The following NELL1 variants were observed in gnomAD, a reference collection of about 807,000 sequenced individuals.
The protein encoded by NELL1 is protein kinase C-binding protein NELL1.
Under a neutral mutation model 107.4 loss-of-function variants are expected in NELL1, and 76 were observed. The observed-to-expected ratio is 0.71, with a 90% CI of 0.59 to 0.86. The LOEUF is 0.86. NELL1 is among the 40% of genes least tolerant of loss of function. The pLI is 0.00. For missense variants in NELL1, 1,024 were observed against 1,005.5 expected, an observed-to-expected ratio of 1.02 and a Z score of -0.25; for synonymous variants, 353 against 341.2, an observed-to-expected ratio of 1.03 and a Z score of -0.38.
At chr11:21,265,943 C>T (rs1362356536) in intron 14 of NELL1, among the ~76,000 whole-genome samples, 7 of 152,020 alleles carry the variant, frequency 4.6e-5, no homozygotes, top group Non-Finnish European at 1.0e-4. Context: ...TATTTTTCTA[C>T]ATAAATCCTT....
intron 12 of NELL1, among the ~76,000 whole-genome samples, chr11:21,019,092 C>T (rs1477930770): frequency 6.6e-6 from 1 of 152,106 alleles, no homozygotes; most frequent in Non-Finnish European, 1.5e-5. Flanking sequence ...GGCTTGAGCT[C>T]TAGCTCTAAC....
chr11:21,179,100 G>A (rs1199272559), intron 13 of NELL1, among the ~76,000 whole-genome samples: 1 of 151,936 alleles, frequency 6.6e-6, no homozygotes, highest in East Asian at 1.9e-4. Context: ...TTGTCCATGG[G>A]TTCTAACCTT....
At chr11:21,234,863 C>T (rs967789199) in intron 14 of NELL1, among the ~76,000 whole-genome samples, 6 of 152,104 alleles carry the variant, frequency 3.9e-5, no homozygotes, top group African/African-American at 7.2e-5. Flanking sequence ...AAATAGACAT[C>T]TCACATGTAC....
intron 13 of NELL1, among the ~76,000 whole-genome samples, chr11:21,191,925 C>G (rs1282157294): frequency 2.0e-5 from 3 of 151,800 alleles, no homozygotes; most frequent in African/African-American, 7.3e-5. Context: ...CTTACACATT[C>G]CAAATGGACT....
In NELL1 at chr11:21,050,513, G is replaced by T. The variant is rs567765884; in HGVS notation, c.1301-63076G>T. Among the ~76,000 whole-genome samples the T allele has an allele frequency of 2.0e-3, 298 of 152,080 alleles. 1 individual carries two copies. The highest frequency in any genetic ancestry group is 7.0e-3 in the African/African-American group (290 of 41,488). On this transcript the variant is annotated intron_variant, in intron 12 of 19. Coordinates refer to ENST00000357134, the MANE Select transcript of NELL1 (RefSeq NM_006157.5). ...GACTGGAAGAATTAAAATATACAGT[G>T]TTATCTGACTCGGAGAAGAGAAATT...
chr11:20,932,230 C>G (rs946624991), intron 9 of NELL1, among the ~76,000 whole-genome samples: 7 of 152,128 alleles, frequency 4.6e-5, no homozygotes, highest in African/African-American at 1.7e-4. Flanking sequence ...TACATAATCA[C>G]AATCTCCAGG....
At chr11:20,975,422 C>T (rs1021921894) in intron 12 of NELL1, among the ~76,000 whole-genome samples, 1 of 150,990 alleles carries the variant, frequency 6.6e-6, no homozygotes, top group Non-Finnish European at 1.5e-5. Flanking sequence ...TTGAAATCCA[C>T]TGTTTATTGT....
intron 3 of NELL1, among the ~76,000 whole-genome samples, chr11:20,843,709 T>C (rs1169318830): frequency 7.1e-6 from 1 of 141,198 alleles, no homozygotes; most frequent in Non-Finnish European, 1.6e-5. Flanking sequence ...TAGGATACTT[T>C]GGTATCAATT....
chr11:21,122,250 C>T (rs1855385048), intron 13 of NELL1, among the ~76,000 whole-genome samples: 1 of 152,122 alleles, frequency 6.6e-6, no homozygotes, highest in Non-Finnish European at 1.5e-5. Flanking sequence ...TCTGTACACT[C>T]TATTGTTAGA....
intron 14 of NELL1, among the ~76,000 whole-genome samples, chr11:21,267,365 T>C (rs1445872792): frequency 1.3e-5 from 2 of 151,816 alleles, no homozygotes; most frequent in African/African-American, 4.8e-5. Context: ...CCTGTGGGGG[T>C]TTGAATTTAG....
intron 13 of NELL1, among the ~76,000 whole-genome samples, chr11:21,193,203 A>C (rs1359545490): frequency 6.6e-6 from 1 of 151,880 alleles, no homozygotes; most frequent in Non-Finnish European, 1.5e-5. Flanking sequence ...TTAATGTTGC[A>C]AATAGTTGAT....
chr11:20,895,504 C>CTTTTTTTTTTTTTTTTTTT (rs71063675), intron 5 of NELL1, among the ~76,000 whole-genome samples: 1 of 100,024 alleles, frequency 1.0e-5, no homozygotes, highest in Non-Finnish European at 1.9e-5. Context: ...TGATATTTGC[C>CTTTTTTTTTTTTTTTTTTT]TTTTTTTTTT....
At chr11:20,864,117 ACTGTGGGG>A (rs1849050305) in intron 4 of NELL1, among the ~76,000 whole-genome samples, 1 of 139,694 alleles carries the variant, frequency 7.2e-6, no homozygotes, top group African/African-American at 3.3e-5. Context: ...GGAGAGGGAG[ACTGTGGGG>A]AGAGGGAGAG....
chr11:21,334,357 T>C lies in NELL1; in HGVS notation c.1550-36496T>C, dbSNP rs559351021. On this transcript the variant is annotated intron_variant, in intron 14 of 19. Transcript: ENST00000357134. ...CAATTCTTCTTACCAAAATGCCTTGTTGGTAAGTTTTAAAAATATTTTATA... is the reference window on the plus strand; with the variant it reads ...CAATTCTTCTTACCAAAATGCCTTGCTGGTAAGTTTTAAAAATATTTTATA... 5.3e-5 allele frequency among the ~76,000 whole-genome samples: 8 copies of C among 152,094 alleles called. No individual in the cohort carries two copies. The South Asian group carries it at 1.7e-3, about 32-fold the overall frequency.
intron 14 of NELL1, among the ~76,000 whole-genome samples, chr11:21,337,732 TTTCC>T (rs1555006040): frequency 4.1e-5 from 6 of 146,654 alleles, no homozygotes; most frequent in South Asian, 2.2e-4. Context: ...CTTTTCTTTC[TTTCC>T]TTTCTTTCTT....
At chr11:21,569,039 G>T (rs1480782707) in intron 17 of NELL1, among the ~76,000 whole-genome samples, 1 of 151,758 alleles carries the variant, frequency 6.6e-6, no homozygotes, top group Non-Finnish European at 1.5e-5. Context: ...CAGTAGGCTT[G>T]TTTATACAGG....
chr11:21,207,292 G>A (rs1341374439), intron 13 of NELL1, among the ~76,000 whole-genome samples: 1 of 152,118 alleles, frequency 6.6e-6, no homozygotes, highest in Non-Finnish European at 1.5e-5. Context: ...ACATTTTCAG[G>A]TGACAACTCA....
intron 12 of NELL1, among the ~76,000 whole-genome samples, chr11:21,020,927 TTTGAACTGG>T (rs1313552803): frequency 6.6e-6 from 1 of 151,550 alleles, no homozygotes; most frequent in East Asian, 2.0e-4. Context: ...TGTGGAGTTG[TTTGAACTGG>T]TTCACTCTCA....
At chr11:21,390,631 T>C (rs959190565) in intron 15 of NELL1, among the ~76,000 whole-genome samples, 3 of 151,918 alleles carry the variant, frequency 2.0e-5, no homozygotes, top group Admixed American at 6.6e-5. Context: ...AAGCAATATT[T>C]ATAGGTGAGC....
Sources: gnomAD v4.1 joint callset for allele counts (sites outside exome capture counted in the v4.1 genomes callset) on GRCh38, gnomAD v4.1.1 for gene constraint, MANE v1.5 for transcripts, NCBI Gene and HGNC (gene_info 2026-07-23, HGNC 2026-07-21) for gene names.